Variants in RPH3AL observed in about 807,000 individuals in gnomAD.
The protein encoded by RPH3AL is rabphilin 3A like (without C2 domains).
A neutral mutation model predicts 43.1 loss-of-function variants in RPH3AL; 38 were observed. That is an observed-to-expected ratio of 0.88 (90% CI 0.68 to 1.15). RPH3AL has a LOEUF of 1.15. RPH3AL is among the 50% of genes most tolerant of loss of function. RPH3AL has a pLI of 0.00. For synonymous variants in RPH3AL, 189 were observed against 176.3 expected, an observed-to-expected ratio of 1.07 and a Z score of -0.57; for missense variants, 462 against 423.2, an observed-to-expected ratio of 1.09 and a Z score of -0.81.
chr17:272,951 AAGGGCTACGTC>A (rs1567604244), intron 6 of RPH3AL, among the ~76,000 whole-genome samples: 17 of 29,308 alleles, frequency 5.8e-4, no homozygotes, highest in East Asian at 1.6e-3. Context: ...AGACCCCAGC[AAGGGCTACGTC>A]AGGGTGAGAC....
intron 5 of RPH3AL, among the ~76,000 whole-genome samples, chr17:314,434 C>G (rs766302260): frequency 0.039 from 4,109 of 105,858 alleles, 189 homozygotes; most frequent in Middle Eastern, 0.067. Flanking sequence ...TGTAGTCCCT[C>G]TGCCCCCACC....
At chr17:252,378 G>A (rs1555542884) in intron 6 of RPH3AL, among the ~76,000 whole-genome samples, 1 of 152,072 alleles carries the variant, frequency 6.6e-6, no homozygotes, top group Admixed American at 6.6e-5. Flanking sequence ...ACTGCACAGA[G>A]ACGCCCTGCT....
At chr17:281,972 A>G (rs2042792395) in intron 5 of RPH3AL, 118 bp from the exon 6 acceptor site, 4 of 745,216 alleles carry the variant, frequency 5.4e-6, no homozygotes, top group Admixed American at 2.1e-5. Context: ...CTCTTGCTTC[A>G]GGATAGAAGG....
At chr17:239,782 A>G (rs1215724914) in intron 7 of RPH3AL, among the ~76,000 whole-genome samples, 3 of 152,066 alleles carry the variant, frequency 2.0e-5, no homozygotes, top group Non-Finnish European at 4.4e-5. Flanking sequence ...ATGTGCCACC[A>G]CACCTGGCTA....
chr17:334,432 C>A (rs894906361), intron 1 of RPH3AL, among the ~76,000 whole-genome samples: 2 of 151,462 alleles, frequency 1.3e-5, no homozygotes, highest in Admixed American at 6.6e-5. Context: ...AAGGCAACCA[C>A]CCCAGCAAGT....
intron 6 of RPH3AL, among the ~76,000 whole-genome samples, chr17:272,946 C>A (rs1019848886): frequency 4.4e-5 from 2 of 45,346 alleles, no homozygotes; most frequent in Non-Finnish European, 1.0e-4. Context: ...GGGAGAGACC[C>A]CAGCAAGGGC....
At position 321,424 on chromosome 17, in the gene RPH3AL, G is replaced by C; in HGVS notation, c.78-9C>G. 6.3e-7 allele frequency: 1 copy of C among 1,597,206 alleles called. No individual in the cohort carries two copies. On this transcript the variant is annotated splice_polypyrimidine_tract_variant and intron_variant, in intron 3 of 9. Transcript: ENST00000331302. ...ACCAGCCCGTCTGCAGCCTCGAGAG[G>C]GAACAGCACAGACGGCGTGGAGGCC...
At chr17:286,981 C>G (rs1459638199) in intron 5 of RPH3AL, among the ~76,000 whole-genome samples, 1 of 77,938 alleles carries the variant, frequency 1.3e-5, no homozygotes, top group African/African-American at 5.0e-5. Context: ...TCTCCACCGT[C>G]AGACCTCACA....
At chr17:317,568 C>T (rs72477020) in intron 5 of RPH3AL, among the ~76,000 whole-genome samples, 3,783 of 152,254 alleles carry the variant, frequency 0.025, 79 homozygotes, top group East Asian at 0.077. Flanking sequence ...ACCTGTAGTC[C>T]AGGGCCTTGG....
intron 5 of RPH3AL, among the ~76,000 whole-genome samples, chr17:307,143 C>T (rs1411566506): frequency 4.0e-5 from 6 of 151,522 alleles, no homozygotes; most frequent in East Asian, 2.0e-4. Flanking sequence ...CTCCCCATGG[C>T]AGGTCCTCCC....
intron 6 of RPH3AL, among the ~76,000 whole-genome samples, chr17:258,143 T>G (rs1358882300): frequency 1.3e-5 from 2 of 152,250 alleles, no homozygotes; most frequent in African/African-American, 4.8e-5. Flanking sequence ...TTTTGTCGTC[T>G]GTTCATAGGT....
At chr17:334,514 G>A (rs999309780) in intron 1 of RPH3AL, among the ~76,000 whole-genome samples, 2 of 149,610 alleles carry the variant, frequency 1.3e-5, no homozygotes, top group Non-Finnish European at 3.0e-5. Flanking sequence ...CAAGGACAGG[G>A]ACAAGGCAAC....
intron 6 of RPH3AL, among the ~76,000 whole-genome samples, chr17:273,695 T>C (rs2042585092): frequency 6.6e-6 from 1 of 152,222 alleles, no homozygotes. Context: ...ACGAAATTTC[T>C]TTGCAAATTT....
chr17:220,104 A>G (rs2040922720), intron 7 of RPH3AL, among the ~76,000 whole-genome samples: 1 of 152,136 alleles, frequency 6.6e-6, no homozygotes, highest in Admixed American at 6.5e-5. Flanking sequence ...AACAGATCTG[A>G]GGCCTCCACT....
chr17:315,042 A>T (rs142945112), intron 5 of RPH3AL, among the ~76,000 whole-genome samples: 2 of 51,172 alleles, frequency 3.9e-5, no homozygotes, highest in African/African-American at 1.6e-4. Context: ...TAGTCCCTGT[A>T]CTCCACCTCC....
At chr17:329,922 G>C (rs1248154484) in intron 2 of RPH3AL, among the ~76,000 whole-genome samples, 1 of 152,216 alleles carries the variant, frequency 6.6e-6, no homozygotes, top group Non-Finnish European at 1.5e-5. Context: ...ATTTCTTAAA[G>C]ATTAGTTCAA....
chr17:319,060 G>C (rs1349594742), intron 5 of RPH3AL, among the ~76,000 whole-genome samples: 1 of 152,232 alleles, frequency 6.6e-6, no homozygotes, highest in Non-Finnish European at 1.5e-5. Context: ...GAGGTACATG[G>C]TATCACGACC....
intron 5 of RPH3AL, among the ~76,000 whole-genome samples, chr17:284,311 G>A (rs745820236): frequency 6.6e-5 from 10 of 152,152 alleles, no homozygotes; most frequent in Admixed American, 1.3e-4. Flanking sequence ...CACACAGCTC[G>A]TTCACGGTAA....
At chr17:293,350 T>C (rs993680371) in intron 5 of RPH3AL, among the ~76,000 whole-genome samples, 1 of 152,066 alleles carries the variant, frequency 6.6e-6, no homozygotes, top group African/African-American at 2.4e-5. Flanking sequence ...ACAGAGCACA[T>C]AATAAGAAAT....
Sources: allele counts gnomAD v4.1 joint callset (sites outside exome capture counted in the v4.1 genomes callset), GRCh38; gene constraint gnomAD v4.1.1; transcripts MANE v1.5; gene names NCBI Gene and HGNC (gene_info 2026-07-23, HGNC 2026-07-21).